Variants in EYS observed in about 807,000 individuals in gnomAD.
EYS encodes EGF-like photoreceptor maintenance factor.
A neutral mutation model predicts 282.1 loss-of-function variants in EYS; 250 were observed. That is an observed-to-expected ratio of 0.89 (90% confidence interval 0.80 to 0.98). The LOEUF (loss-of-function observed/expected upper bound fraction) is 0.98, where lower values mean the gene tolerates loss of function less well. Ranked by LOEUF, EYS falls within the 50% of genes least tolerant of loss-of-function variation. The pLI is 0.00. For synonymous variants in EYS, 1,355 were observed against 1,282.9 expected (o/e 1.06, Z -1.20); for missense variants, 4,016 against 3,709.0 (o/e 1.08, Z -2.15).
At chr6:64,603,900 TG>T in intron 24 of EYS, among the ~76,000 whole-genome samples, 1 of 151,118 alleles carries the variant, frequency 6.6e-6, no homozygotes, top group East Asian at 1.9e-4. Context: ...TGTGTGTGTG[TG>T]TGTTCTCTGC....
chr6:63,889,160 T>C (rs1029096264), intron 35 of EYS, among the ~76,000 whole-genome samples: 2 of 152,136 alleles, frequency 1.3e-5, no homozygotes, highest in Non-Finnish European at 2.9e-5. Flanking sequence ...CAAACCTACA[T>C]TGATTGGTGT....
rs568847799 is a variant in EYS, at chr6:64,078,035, T to C, written c.6571+3821A>G. On this transcript the variant is annotated intron_variant, in intron 32 of 42. Coordinates refer to ENST00000503581, the MANE Select transcript of EYS (RefSeq NM_001142800.2). ...AAGTTTTATCTTCCTTTTGTTCCTT[T>C]TCAACATCAATTAGTTGGTGAGGCA... Among the ~76,000 whole-genome samples the C allele has an allele frequency of 3.5e-4, 53 of 152,154 alleles. 1 individual carries two copies. The South Asian group carries it at 0.011, about 32-fold the overall frequency.
intron 2 of EYS, among the ~76,000 whole-genome samples, chr6:65,524,834 C>T (rs1403104690): frequency 1.3e-5 from 2 of 152,186 alleles, no homozygotes; most frequent in Admixed American, 1.3e-4. Flanking sequence ...AAAATGCTGC[C>T]TCTTTTATGA....
At chr6:64,954,782 T>C (rs1312956398) in intron 14 of EYS, among the ~76,000 whole-genome samples, 1 of 152,124 alleles carries the variant, frequency 6.6e-6, no homozygotes, top group African/African-American at 2.4e-5. Flanking sequence ...AACAACTATA[T>C]ACACTGAAAA....
At chr6:65,337,095 A>G (rs1262387916) in intron 10 of EYS, among the ~76,000 whole-genome samples, 1 of 151,468 alleles carries the variant, frequency 6.6e-6, no homozygotes, top group Non-Finnish European at 1.5e-5. Context: ...TCCTTTATTG[A>G]TATCTAAATA....
intron 15 of EYS, among the ~76,000 whole-genome samples, chr6:64,940,524 A>C (rs1342684765): frequency 1.3e-5 from 2 of 152,046 alleles, no homozygotes; most frequent in African/African-American, 4.8e-5. Flanking sequence ...TCAAAAGTTT[A>C]TTATTTCTCC....
intron 30 of EYS, among the ~76,000 whole-genome samples, chr6:64,270,333 A>G (rs1767901611): frequency 6.6e-6 from 1 of 151,970 alleles, no homozygotes. Flanking sequence ...TCTGAAATAC[A>G]GTACCAATCA....
intron 19 of EYS, among the ~76,000 whole-genome samples, chr6:64,885,973 C>G (rs1767072461): frequency 6.6e-6 from 1 of 151,852 alleles, no homozygotes; most frequent in Non-Finnish European, 1.5e-5. Flanking sequence ...CTGCACAAAT[C>G]AGATGTTAAT....
At chr6:65,257,488 T>C (rs1486985438) in intron 12 of EYS, among the ~76,000 whole-genome samples, 1 of 143,484 alleles carries the variant, frequency 7.0e-6, no homozygotes, top group African/African-American at 2.7e-5. Flanking sequence ...TTTCTACATA[T>C]GGCTAGCCAG....
intron 1 of EYS, among the ~76,000 whole-genome samples, chr6:65,647,577 C>G (rs1199330893): frequency 6.6e-6 from 1 of 152,066 alleles, no homozygotes; most frequent in Admixed American, 6.6e-5. Context: ...AATATAACAT[C>G]AGAAAAACCA....
At chr6:64,299,419 C>T (rs1277994009) in intron 30 of EYS, among the ~76,000 whole-genome samples, 1 of 152,206 alleles carries the variant, frequency 6.6e-6, no homozygotes, top group Non-Finnish European at 1.5e-5. Context: ...TGTCTGAGTA[C>T]ATTATTCATC....
chr6:63,854,990 C>A (rs1581898045), intron 36 of EYS, among the ~76,000 whole-genome samples: 1 of 152,198 alleles, frequency 6.6e-6, no homozygotes, highest in East Asian at 1.9e-4. Context: ...TCCAATATCA[C>A]AATGGAGTCT....
chr6:64,469,841 G>A (rs1562012677), intron 26 of EYS, among the ~76,000 whole-genome samples: 1 of 152,060 alleles, frequency 6.6e-6, no homozygotes, highest in South Asian at 2.1e-4. Context: ...CAGTGGTCAC[G>A]CTCCTAGTCC....
intron 35 of EYS, among the ~76,000 whole-genome samples, chr6:63,983,195 T>C (rs1207771606): frequency 1.3e-5 from 2 of 151,920 alleles, no homozygotes; most frequent in East Asian, 1.9e-4. Flanking sequence ...AATAGGTCTA[T>C]GTTGCTGTTA....
intron 26 of EYS, among the ~76,000 whole-genome samples, chr6:64,482,611 G>C (rs543873765): frequency 2.6e-5 from 4 of 151,742 alleles, no homozygotes; most frequent in Admixed American, 6.6e-5. Context: ...ATGACATATA[G>C]CAAATGTTTT....
At chr6:63,782,537 T>C (rs1259959050) in intron 39 of EYS, among the ~76,000 whole-genome samples, 1 of 152,264 alleles carries the variant, frequency 6.6e-6, no homozygotes, top group Non-Finnish European at 1.5e-5. Context: ...TTTATTTGTG[T>C]AGAGGTGTTT....
At chr6:64,459,954 A>G (rs1454147339) in intron 26 of EYS, among the ~76,000 whole-genome samples, 11 of 151,976 alleles carry the variant, frequency 7.2e-5, no homozygotes, top group Admixed American at 7.2e-4. Context: ...CCAGAAAAAA[A>G]AAAAAAGACA....
At chr6:64,512,937 G>GA (rs1777453513) in intron 26 of EYS, among the ~76,000 whole-genome samples, 1 of 150,086 alleles carries the variant, frequency 6.7e-6, no homozygotes, top group Admixed American at 6.6e-5. Context: ...ATTTTTTTCT[G>GA]AAAAATAAAG....
Position 64,617,428 on chromosome 6 carries a change from G to T in EYS, c.3674C>A (p.Pro1225His). The T allele has an allele frequency of 1.9e-6, 3 of 1,544,468 alleles. No homozygotes were observed. Among genetic ancestry groups the T allele is most frequent in the Non-Finnish European group, 2.6e-6 (3 of 1,140,636 alleles). ...NEPGSTCLCTPGFMTCSIGLL... is the reference protein window; with the variant it reads ...NEPGSTCLCTHGFMTCSIGLL... ...ACCAGTAATCTTTACCATAAATCCAGGTGTGCATAAACATGTCGAGCCAGG... is the reference window on the plus strand; with the variant it reads ...ACCAGTAATCTTTACCATAAATCCATGTGTGCATAAACATGTCGAGCCAGG... The change falls in exon 24 of 43, where the codon CCT becomes CAT. Residue 1225 changes from proline (P) to histidine (H), a missense_variant. Physicochemically the swap from Pro to His is moderately conservative, Grantham distance 77. Coordinates refer to ENST00000503581, the MANE Select transcript of EYS (RefSeq NM_001142800.2).
Sources: gnomAD v4.1 joint callset for allele counts (sites outside exome capture counted in the v4.1 genomes callset) on GRCh38, gnomAD v4.1.1 for gene constraint, MANE v1.5 for transcripts, NCBI Gene and HGNC (gene_info 2026-07-23, HGNC 2026-07-21) for gene names.